Variants in REV3L observed in about 807,000 individuals in gnomAD.
The protein encoded by REV3L is REV3 like, DNA directed polymerase zeta catalytic subunit, also known as DNA polymerase zeta catalytic subunit.
REV3L carries 69 observed loss-of-function variants against 299.4 expected under a neutral mutation model. That is an observed-to-expected ratio of 0.23 (90% CI 0.19 to 0.28). The LOEUF is 0.28. Among genes scored for constraint, REV3L ranks in the 10% least tolerant of loss-of-function variants. REV3L has a pLI of 1.00. For missense variants in REV3L, 3,128 were observed against 3,693.8 expected (o/e 0.85, Z 3.97); for synonymous variants, 1,238 against 1,271.4 (o/e 0.97, Z 0.56).
At chr6:111,301,395 C>A (rs542152783) in intron 31 of REV3L, among the ~76,000 whole-genome samples, 52 of 152,074 alleles carry the variant, frequency 3.4e-4, no homozygotes, top group African/African-American at 1.2e-3. Context: ...ATTCGTACAC[C>A]CCTCCCCTTT....
intron 16 of REV3L, chr6:111,360,501 GGTCT>G (rs1253242392): frequency 2.1e-5 from 3 of 142,734 alleles, no homozygotes; most frequent in Non-Finnish European, 4.5e-5. Context: ...TTAGACACAG[GGTCT>G]CTCTCTGTTG....
At chr6:111,447,676 A>C (rs142326039) in intron 1 of REV3L, among the ~76,000 whole-genome samples, 15 of 152,286 alleles carry the variant, frequency 9.8e-5, no homozygotes, top group African/African-American at 3.1e-4. Flanking sequence ...ATTATAAGTA[A>C]TCGATGTGAG....
chr6:111,305,587 AAAAAT>A (rs1371830544), intron 31 of REV3L, among the ~76,000 whole-genome samples: 10 of 152,098 alleles, frequency 6.6e-5, no homozygotes, highest in Admixed American at 2.6e-4. Flanking sequence ...ACCCTACCTC[AAAAAT>A]AAAATAAAAT....
intron 18 of REV3L, among the ~76,000 whole-genome samples, chr6:111,353,342 A>G (rs2114955592): frequency 6.6e-6 from 1 of 152,332 alleles, no homozygotes; most frequent in East Asian, 1.9e-4. Flanking sequence ...TTACCTAGTC[A>G]ATAAAAATTG....
intron 2 of REV3L, among the ~76,000 whole-genome samples, chr6:111,415,025 T>C (rs535141822): frequency 5.3e-5 from 8 of 152,320 alleles, no homozygotes; most frequent in African/African-American, 1.9e-4. Flanking sequence ...CTATTATTAA[T>C]ACAGTTGCTT....
At chr6:111,349,622 A>C (rs1777393814) in intron 19 of REV3L, among the ~76,000 whole-genome samples, 1 of 152,120 alleles carries the variant, frequency 6.6e-6, no homozygotes, top group African/African-American at 2.4e-5. Flanking sequence ...GTGGCTAGCC[A>C]CAGGTGCAAT....
At chr6:111,429,548 T>C (rs1011783703) in intron 1 of REV3L, among the ~76,000 whole-genome samples, 12 of 152,076 alleles carry the variant, frequency 7.9e-5, no homozygotes, top group African/African-American at 2.9e-4. Context: ...CTGTTTGGTA[T>C]GAAGTCCAAA....
rs1776115188 is a variant in REV3L at position 111,338,311 on chromosome 6, C to CTTTTTT, written c.7539-2702_7539-2701insAAAAAA. On this transcript the variant is annotated intron_variant, in intron 21 of 31. Transcript: ENST00000368802. The stretch of plus-strand genomic sequence containing the variant: ...TTCTTTGTTTACTCCAGTCTAAAGT[C>CTTTTTT]CTTTTTTTTTTTTTTTTTTTTTTTT... 2.9e-4 allele frequency among the ~76,000 whole-genome samples: 14 copies of CTTTTTT among 49,032 alleles called. 1 individual carries two copies. The highest frequency in any genetic ancestry group is 5.7e-4 in the South Asian group (1 of 1,768). The allele number at this position is 49,032 out of a possible 152,430, so 32.2% of individuals were successfully genotyped here. A position where few individuals can be genotyped will look rare whatever the true frequency, so the allele number is the denominator to read the frequency against.
At chr6:111,342,314 C>G (rs186035232) in intron 21 of REV3L, among the ~76,000 whole-genome samples, 1 of 152,190 alleles carries the variant, frequency 6.6e-6, no homozygotes, top group African/African-American at 2.4e-5. Context: ...GCCAGTGGTA[C>G]AAAGCAGAGG....
At chr6:111,392,692 T>C (rs773213988) in intron 5 of REV3L, 184 bp downstream of exon 5, 6 of 464,710 alleles carry the variant, frequency 1.3e-5, no homozygotes, top group Non-Finnish European at 2.3e-5. Flanking sequence ...TACATTTTCA[T>C]GGTTTGTTTT....
At chr6:111,359,397 T>A (rs2114987901) in intron 16 of REV3L, among the ~76,000 whole-genome samples, 1 of 151,970 alleles carries the variant, frequency 6.6e-6, no homozygotes, top group South Asian at 2.1e-4. Flanking sequence ...ACCTGTAGTT[T>A]AAAGTAAAAA....
intron 21 of REV3L, among the ~76,000 whole-genome samples, chr6:111,341,208 G>A (rs563450940): frequency 3.3e-5 from 5 of 151,954 alleles, no homozygotes; most frequent in Admixed American, 1.3e-4. Flanking sequence ...CACCATGCCC[G>A]GCTAATTTTT....
intron 1 of REV3L, among the ~76,000 whole-genome samples, chr6:111,438,504 TAA>T (rs757079895): frequency 8.1e-5 from 10 of 122,814 alleles, no homozygotes; most frequent in Admixed American, 3.3e-4. Flanking sequence ...ATATTAAGAT[TAA>T]AAAAAAAAAA....
At chr6:111,415,643 C>G (rs1784681413) in intron 2 of REV3L, among the ~76,000 whole-genome samples, 1 of 152,070 alleles carries the variant, frequency 6.6e-6, no homozygotes, top group African/African-American at 2.4e-5. Flanking sequence ...CTCATTTAGT[C>G]CAACTCTCCT....
At chr6:111,368,983 A>G (rs1779502794) in intron 13 of REV3L, among the ~76,000 whole-genome samples, 1 of 152,194 alleles carries the variant, frequency 6.6e-6, no homozygotes, top group African/African-American at 2.4e-5. Flanking sequence ...AAAAGACTTA[A>G]GCCCCTACTA....
In REV3L at chr6:111,374,277, C is replaced by T. The variant is rs747489745; in HGVS notation, c.4078G>A (p.Asp1360Asn). 3.7e-6 allele frequency: 6 copies of T among 1,613,452 alleles called. No homozygotes were observed. The highest frequency in any genetic ancestry group is 5.1e-6 in the Non-Finnish European group (6 of 1,179,724). ...ACCTGAGATAAATGATTGGAAAGGT[C>T]AAATATATTTTTTTGAATTAACGTT... is the stretch of plus-strand genomic sequence containing the variant. ...ESTLIQKNIF[D>N]LSNHLSQVAQ... Residue 1360 changes from aspartate (D) to asparagine (N), a missense_variant, in exon 13 of 32, where the codon GAC (aspartate) becomes AAC (asparagine). By Grantham distance (23) the Asp-to-Asn change is conservative (BLOSUM62 1). Transcript: ENST00000368802.
chr6:111,340,537 T>C (rs1776372597), intron 21 of REV3L, among the ~76,000 whole-genome samples: 1 of 152,140 alleles, frequency 6.6e-6, no homozygotes, highest in Non-Finnish European at 1.5e-5. Context: ...GTTTTACAGG[T>C]TTAACACAAG....
In REV3L at chr6:111,344,043, C is replaced by T; in HGVS notation, c.7420G>A (p.Val2474Met). The T allele has an allele frequency of 1.9e-6, 3 of 1,582,924 alleles. No individual in the cohort carries two copies. The highest frequency in any genetic ancestry group is 1.9e-5 in the Admixed American group (1 of 53,530). The change falls in exon 21 of 32, where the codon GTG (valine) becomes ATG (methionine). Residue 2474 changes from valine (V) to methionine (M), a missense_variant and splice_region_variant. Transcript: ENST00000368802. ...TCAAAGGTGTAGTTAGTTAGAGCCA[C>T]CTAAAAAAAAAGGCAAGACACCATT... ...LNLWRIMRNEVALTNYTFENV... is the reference protein window; with the variant it reads ...LNLWRIMRNEMALTNYTFENV...
intron 25 of REV3L, among the ~76,000 whole-genome samples, chr6:111,326,544 T>C (rs1288972875): frequency 6.6e-6 from 1 of 151,774 alleles, no homozygotes; most frequent in Non-Finnish European, 1.5e-5. Context: ...CAATATAGGA[T>C]GCTGCAAAAA....
Sources: gnomAD v4.1 joint callset for allele counts (sites outside exome capture counted in the v4.1 genomes callset) on GRCh38, gnomAD v4.1.1 for gene constraint, MANE v1.5 for transcripts, NCBI Gene and HGNC (gene_info 2026-07-23, HGNC 2026-07-21) for gene names.